ARL15: variants seen among roughly 807,000 people sequenced by gnomAD.
The protein encoded by ARL15 is ARF like GTPase 15.
In ARL15, 19 loss-of-function variants were observed where a neutral mutation model predicts 25.2. That is an observed-to-expected ratio of 0.75 (90% CI 0.53 to 1.10). The LOEUF is 1.10. Ranked by LOEUF, ARL15 falls within the 50% of genes least tolerant of loss-of-function variation. The pLI is 0.00. For synonymous variants in ARL15, 94 were observed against 86.8 expected, an observed-to-expected ratio of 1.08 and a Z score of -0.46; for missense variants, 220 against 246.0, an observed-to-expected ratio of 0.89 and a Z score of 0.71.
At chr5:53,985,723 A>ACTTG (rs1748276111) in intron 4 of ARL15, among the ~76,000 whole-genome samples, 1 of 152,230 alleles carries the variant, frequency 6.6e-6, no homozygotes, top group Non-Finnish European at 1.5e-5. Flanking sequence ...GCTGATGGAT[A>ACTTG]CTTGGGTTGC....
At chr5:54,035,134 A>T (rs957302408) in intron 4 of ARL15, among the ~76,000 whole-genome samples, 7 of 152,188 alleles carry the variant, frequency 4.6e-5, no homozygotes, top group Non-Finnish European at 1.5e-5. Flanking sequence ...TTAAATTTTT[A>T]AAATACTTTT....
chr5:54,045,811 C>T (rs1164153111), intron 4 of ARL15, among the ~76,000 whole-genome samples: 1 of 152,196 alleles, frequency 6.6e-6, no homozygotes, highest in African/African-American at 2.4e-5. Context: ...TTTCTCTGTA[C>T]AATTCCTCAG....
At chr5:53,933,412 C>A (rs1321666952) in intron 4 of ARL15, among the ~76,000 whole-genome samples, 1 of 151,922 alleles carries the variant, frequency 6.6e-6, no homozygotes, top group Admixed American at 6.6e-5. Flanking sequence ...TCTGGGAGGT[C>A]GAGGTGGGCG....
intron 4 of ARL15, among the ~76,000 whole-genome samples, chr5:53,951,000 T>C (rs1417953137): frequency 2.0e-5 from 3 of 152,216 alleles, no homozygotes; most frequent in Non-Finnish European, 4.4e-5. Context: ...CCTGTTTTCA[T>C]ATGGCCTGCA....
chr5:53,939,388 A>C (rs1157560699), intron 4 of ARL15, among the ~76,000 whole-genome samples: 2 of 152,108 alleles, frequency 1.3e-5, no homozygotes, highest in African/African-American at 2.4e-5. Flanking sequence ...TCTCTTCACA[A>C]ATTTTTGGAC....
rs1294073513 is a variant in ARL15 at position 53,886,420 on chromosome 5, A to G, written c.*141T>C. The G allele has an allele frequency of 1.2e-6, 1 of 849,634 alleles. No individual in the cohort carries two copies. The highest frequency in any genetic ancestry group is 2.7e-5 in the East Asian group (1 of 37,098). The allele number at this position is 849,634 out of a possible 1,614,324, so 52.6% of individuals were successfully genotyped here. A position where few individuals can be genotyped will look rare whatever the true frequency, so the allele number is the denominator to read the frequency against. Reference sequence around the variant, plus strand: ...ATCTGATCTACAGAATATTCACTTTAATAGAGAGATGAGAGTCTGAAATGA... The same window carrying G: ...ATCTGATCTACAGAATATTCACTTTGATAGAGAGATGAGAGTCTGAAATGA... On this transcript the variant is annotated 3_prime_UTR_variant, in exon 5 of 5. Transcript: ENST00000504924.
chr5:54,204,359 T>C lies in ARL15; in HGVS notation c.49-32431A>G, dbSNP rs138546811. 5.9e-5 allele frequency among the ~76,000 whole-genome samples: 9 copies of C among 152,308 alleles called. No homozygotes were observed. In the East Asian group the frequency reaches 1.7e-3, roughly 29 times the overall value. On this transcript the variant is annotated intron_variant, in intron 1 of 4. Coordinates refer to ENST00000504924, the MANE Select transcript of ARL15 (RefSeq NM_019087.3). The stretch of plus-strand genomic sequence containing the variant: ...ACATGCAGGAATTCTGCACTGCCCA[T>C]GTTTTCAGAAATTAGGACTTTGACT...
chr5:54,133,139 T>A (rs1753487746), intron 3 of ARL15, among the ~76,000 whole-genome samples: 2 of 152,214 alleles, frequency 1.3e-5, no homozygotes. Context: ...GAAACTCAAT[T>A]CAAACATAAA....
chr5:54,259,384 C>G (rs1423801546), intron 1 of ARL15, among the ~76,000 whole-genome samples: 2 of 152,176 alleles, frequency 1.3e-5, no homozygotes. Flanking sequence ...TGGAAAACTA[C>G]AAATCACCCC....
chr5:54,198,835 C>T (rs1373439225), intron 1 of ARL15, among the ~76,000 whole-genome samples: 1 of 151,906 alleles, frequency 6.6e-6, no homozygotes. Context: ...GCCCGCATCG[C>T]CAAGTCAATC....
chr5:54,270,600 G>A (rs1369581231), intron 1 of ARL15, among the ~76,000 whole-genome samples: 1 of 152,176 alleles, frequency 6.6e-6, no homozygotes, highest in African/African-American at 2.4e-5. Context: ...CTAGGCACTG[G>A]AGATACAGCA....
At chr5:54,116,708 T>C (rs941686334) in intron 3 of ARL15, among the ~76,000 whole-genome samples, 2 of 152,202 alleles carry the variant, frequency 1.3e-5, no homozygotes, top group Non-Finnish European at 2.9e-5. Context: ...TTAAATCACT[T>C]ACCCATGACA....
intron 2 of ARL15, among the ~76,000 whole-genome samples, chr5:54,168,811 CTCTTT>C (rs1351972545): frequency 7.2e-5 from 11 of 152,174 alleles, no homozygotes; most frequent in African/African-American, 2.7e-4. Context: ...GATCACTCTC[CTCTTT>C]TAACTTTCAT....
At chr5:54,129,167 CG>C (rs1473988005) in intron 3 of ARL15, among the ~76,000 whole-genome samples, 1 of 152,132 alleles carries the variant, frequency 6.6e-6, no homozygotes, top group Non-Finnish European at 1.5e-5. Flanking sequence ...CTATCTAAAT[CG>C]AAACATCTAA....
At chr5:54,135,127 T>C (rs550552919) in intron 3 of ARL15, among the ~76,000 whole-genome samples, 1 of 152,010 alleles carries the variant, frequency 6.6e-6, no homozygotes, top group Non-Finnish European at 1.5e-5. Context: ...TGAAATTTAA[T>C]AGAGATATAA....
chr5:53,996,264 G>C (rs1185131592), intron 4 of ARL15, among the ~76,000 whole-genome samples: 2 of 152,184 alleles, frequency 1.3e-5, no homozygotes, highest in African/African-American at 4.8e-5. Flanking sequence ...GGGAGCCTCT[G>C]GTTGACGAAA....
rs1754166640 is a variant in ARL15 at position 54,154,599 on chromosome 5, C to T, written c.234G>A (p.Leu78=). The T allele has an allele frequency of 6.5e-7, 1 of 1,529,114 alleles. No individual in the cohort carries two copies. Among genetic ancestry groups the T allele is most frequent in the Non-Finnish European group, 8.8e-7 (1 of 1,139,480 alleles). 94.7% of individuals were successfully genotyped at this position (1,529,114 alleles called of 1,614,324 possible). Residue 78 remains leucine, a synonymous_variant, in exon 3 of 5, where the codon TTG becomes TTA. Coordinates refer to ENST00000504924, the MANE Select transcript of ARL15 (RefSeq NM_019087.3). The stretch of plus-strand genomic sequence containing the variant: ...TTATACCTCCAAGTTCTTTTACATT[C>T]AAGATGGCATTCTGGAATGGCACTG... ...IKAVPFQNAI[L]NVKELGGADN... is the part of the protein sequence containing the mutation.
At chr5:54,277,032 C>T (rs533431371) in intron 1 of ARL15, among the ~76,000 whole-genome samples, 17 of 152,314 alleles carry the variant, frequency 1.1e-4, no homozygotes, top group Non-Finnish European at 2.2e-4. Flanking sequence ...TAATTTGTTA[C>T]AGCATCCATA....
At chr5:54,287,594 G>A (rs1192794794) in intron 1 of ARL15, among the ~76,000 whole-genome samples, 1 of 151,792 alleles carries the variant, frequency 6.6e-6, no homozygotes, top group African/African-American at 2.4e-5. Context: ...GCAAATAATT[G>A]CTTCTCAGTC....
Sources: gnomAD v4.1 joint callset for allele counts (sites outside exome capture counted in the v4.1 genomes callset) on GRCh38, gnomAD v4.1.1 for gene constraint, MANE v1.5 for transcripts, NCBI Gene and HGNC (gene_info 2026-07-23, HGNC 2026-07-21) for gene names.